Variants in HMGB1 observed in about 807,000 individuals in gnomAD.
HMGB1 encodes the protein high mobility group box 1.
For synonymous variants in HMGB1, 81 were observed against 84.0 expected (o/e 0.96, Z 0.19); for missense variants, 79 against 253.5 (o/e 0.31, Z 4.67).
intron 1 of HMGB1, chr13:30,539,848 A>T (rs372706868): frequency 3.3e-5 from 5 of 153,466 alleles, no homozygotes; most frequent in African/African-American, 1.2e-4. Context: ...ATCCCAGAGT[A>T]TGTGGTTCCG....
intron 1 of HMGB1, among the ~76,000 whole-genome samples, chr13:30,527,343 T>G (rs2137481805): frequency 6.6e-6 from 1 of 152,224 alleles, no homozygotes; most frequent in African/African-American, 2.4e-5. Context: ...CTCGGGATGG[T>G]GGGCCCCCTG....
intron 1 of HMGB1, among the ~76,000 whole-genome samples, chr13:30,519,056 A>G (rs536977847): frequency 6.6e-6 from 1 of 152,124 alleles, no homozygotes; most frequent in African/African-American, 2.4e-5. Flanking sequence ...TCCTGGAATA[A>G]GTGTCAACAA....
At position 30,559,895 on chromosome 13, in the gene HMGB1, A is replaced by G. The variant is rs891886710; in HGVS notation, c.-15+56776T>C. Among the ~76,000 whole-genome samples the G allele has an allele frequency of 6.6e-6, 1 of 152,168 alleles. No individual in the cohort carries two copies. Among genetic ancestry groups the G allele is most frequent in the Non-Finnish European group, 1.5e-5 (1 of 68,034 alleles). On this transcript the variant is annotated intron_variant, in intron 1 of 4. Coordinates refer to the HMGB1 transcript ENST00000405805. The surrounding 1 kb of genome is among the most constrained non-coding windows in gnomAD (Gnocchi z 6.6). ...GATGAATATGCATTCATTCACCAAA[A>G]TCTCATATTCCCAAAAAGCAGGAAA...
chr13:30,516,688 C>T (rs1888108570), intron 1 of HMGB1, among the ~76,000 whole-genome samples: 1 of 152,130 alleles, frequency 6.6e-6, no homozygotes, highest in African/African-American at 2.4e-5. Context: ...GAGGCTGAGG[C>T]AGGAGGATTG....
chr13:30,570,641 G>A (rs1319793283), intron 1 of HMGB1, among the ~76,000 whole-genome samples: 3 of 152,210 alleles, frequency 2.0e-5, no homozygotes, highest in African/African-American at 7.2e-5. Flanking sequence ...TTTAAGCACT[G>A]TATTAAATGC....
chr13:30,458,496 ATTT>A lies in HMGB1; in HGVS notation c.*2858_*2860del, dbSNP rs1401585845. On this transcript the variant is annotated 3_prime_UTR_variant, in exon 5 of 5. Coordinates refer to ENST00000341423, the MANE Select transcript of HMGB1 (RefSeq NM_002128.7). ...AGGCGCCCAGCACCACGCTTGGCTA[ATTT>A]TTTGTATTTTTAGTAGAGGCGGGGT... The A allele has an allele frequency of 6.6e-6, 1 of 152,080 alleles. No individual in the cohort carries two copies. The highest frequency in any genetic ancestry group is 1.5e-5 in the Non-Finnish European group (1 of 68,088). 9.4% of individuals were successfully genotyped at this position (152,080 alleles called of 1,614,324 possible). A position where few individuals can be genotyped will look rare whatever the true frequency, so the allele number is the denominator to read the frequency against.
At chr13:30,602,396 A>G (rs911481193) in intron 1 of HMGB1, among the ~76,000 whole-genome samples, 1 of 152,254 alleles carries the variant, frequency 6.6e-6, no homozygotes, top group African/African-American at 2.4e-5. Context: ...GACAAATAAT[A>G]AACGATGTTT....
At chr13:30,592,912 G>C (rs1871431836) in intron 1 of HMGB1, among the ~76,000 whole-genome samples, 1 of 147,290 alleles carries the variant, frequency 6.8e-6, no homozygotes. Context: ...ACTTCATATA[G>C]TGCAAAACAA....
At chr13:30,590,495 G>A (rs142161690) in intron 1 of HMGB1, among the ~76,000 whole-genome samples, 4 of 152,036 alleles carry the variant, frequency 2.6e-5, no homozygotes, top group East Asian at 3.9e-4. Context: ...GAGTCACCAC[G>A]CCCGGCCTAA....
At chr13:30,515,731 T>C (rs562664576) in intron 1 of HMGB1, among the ~76,000 whole-genome samples, 2 of 151,536 alleles carry the variant, frequency 1.3e-5, no homozygotes, top group African/African-American at 4.8e-5. Flanking sequence ...GGGATGTTTT[T>C]AGAAAACATG....
rs748838782 is a variant in HMGB1, at chr13:30,463,633, A to G, written c.48T>C (p.Tyr16=). 13 of 1,588,334 alleles carry G rather than the reference A, an allele frequency of 8.2e-6. No homozygotes were observed. The East Asian group carries it at 1.3e-4, about 16-fold the overall frequency. ...PKKPRGKMSS[Y]AFFVQTCREE... Reference sequence around the variant, plus strand: ...CCCGACAAGTTTGCACAAAAAATGCATATGATGACATTTTGCCTCTCGGCT... The same window carrying G: ...CCCGACAAGTTTGCACAAAAAATGCGTATGATGACATTTTGCCTCTCGGCT... The change falls in exon 2 of 5, where the codon TAT becomes TAC. Residue 16 remains tyrosine, a synonymous_variant. Transcript: ENST00000341423.
intron 2 of HMGB1, 52 bp from the exon 3 acceptor site, chr13:30,463,404 C>T: frequency 6.4e-7 from 1 of 1,552,836 alleles, no homozygotes; most frequent in South Asian, 1.2e-5. Flanking sequence ...GTAAATTATC[C>T]TCAAAACCAA....
intron 1 of HMGB1, among the ~76,000 whole-genome samples, chr13:30,495,999 G>A (rs1468298089): frequency 6.6e-6 from 1 of 152,110 alleles, no homozygotes; most frequent in Non-Finnish European, 1.5e-5. Context: ...TGGGACCATT[G>A]TATCCTTTGC....
chr13:30,505,701 C>G (rs1252130755), intron 1 of HMGB1, among the ~76,000 whole-genome samples: 1 of 152,120 alleles, frequency 6.6e-6, no homozygotes, highest in Non-Finnish European at 1.5e-5. Flanking sequence ...GTTCTCAACA[C>G]AGGGCCCATC....
intron 1 of HMGB1, among the ~76,000 whole-genome samples, chr13:30,510,553 C>A (rs1460434272): frequency 6.6e-6 from 1 of 151,744 alleles, no homozygotes; most frequent in East Asian, 1.9e-4. Flanking sequence ...TTTTTCCATC[C>A]TTCTGACCTT....
At chr13:30,555,033 GTTTTTTTTTTTT>G (rs1007919529) in intron 1 of HMGB1, among the ~76,000 whole-genome samples, 4 of 72,440 alleles carry the variant, frequency 5.5e-5, no homozygotes, top group East Asian at 4.7e-4. Flanking sequence ...GTGTCGTTGT[GTTTTTTTTTTTT>G]TTTTTTTTTT....
intron 1 of HMGB1, among the ~76,000 whole-genome samples, chr13:30,600,232 TAAGTGATCATCAGCCACTAA>T (rs962828214): frequency 2.4e-4 from 37 of 152,222 alleles, no homozygotes; most frequent in African/African-American, 8.7e-4. Flanking sequence ...AGCAATCTAT[TAAGTGATCATCAGCCACTAA>T]CACCTTAGGG....
chr13:30,595,464 T>C (rs184232030), intron 1 of HMGB1, among the ~76,000 whole-genome samples: 2 of 152,366 alleles, frequency 1.3e-5, no homozygotes, highest in East Asian at 3.9e-4. Flanking sequence ...TAGTGGCAGA[T>C]GATATATACA....
chr13:30,472,296 C>T (rs1355052053), intron 1 of HMGB1, among the ~76,000 whole-genome samples: 4 of 151,786 alleles, frequency 2.6e-5, no homozygotes, highest in Admixed American at 6.6e-5. Flanking sequence ...AAAACTCTGA[C>T]GTAAAAAAAA....
Sources: gnomAD v4.1 joint callset for allele counts (sites outside exome capture counted in the v4.1 genomes callset) on GRCh38, gnomAD v4.1.1 for gene constraint, Gnocchi (gnomAD v3.1) non-coding constraint, MANE v1.5 for transcripts, NCBI Gene and HGNC (gene_info 2026-07-23, HGNC 2026-07-21) for gene names.